EIF2B2: variants seen among roughly 807,000 people sequenced by gnomAD.
EIF2B2 encodes the protein translation initiation factor eIF2B subunit beta.
A neutral mutation model predicts 34.7 loss-of-function variants in EIF2B2; 34 were observed. That is an observed-to-expected ratio of 0.98 (90% confidence interval 0.75 to 1.31). The LOEUF is 1.31. EIF2B2 is among the 50% of genes most tolerant of loss of function. EIF2B2 has a pLI of 0.00. For missense variants in EIF2B2, 361 were observed against 447.7 expected (o/e 0.81, Z 1.75); for synonymous variants, 155 against 171.6 (o/e 0.90, Z 0.76).
chr14:75,003,342 C>A lies in EIF2B2; in HGVS notation c.231C>A (p.Thr77=), dbSNP rs771686725. The A allele has an allele frequency of 2.5e-6, 4 of 1,613,924 alleles. No homozygotes were observed. The South Asian group carries it at 3.3e-5, about 13-fold the overall frequency. ...CGGCCGCTCAGCCCTCCGAGACCACCGTGGGCAACATGGTGCGGAGAGTGC... is the reference window on the plus strand; with the variant it reads ...CGGCCGCTCAGCCCTCCGAGACCACAGTGGGCAACATGGTGCGGAGAGTGC... ...RMTAAQPSET[T]VGNMVRRVLK... Residue 77 remains threonine, a synonymous_variant, in exon 2 of 8, where the codon ACC becomes ACA. Coordinates refer to ENST00000266126, the MANE Select transcript of EIF2B2 (RefSeq NM_014239.4).
chr14:75,007,740 T>G lies in EIF2B2; in HGVS notation c.850T>G (p.Ser284Ala). ...TTTTTAGTTCCCCAATGAAGAAGAC[T>G]CATTTCATAAGTTTGTGGCTCCTGA... ...LSPQFPNEED[S>A]FHKFVAPEEV... is the part of the protein sequence containing the mutation. The change falls in exon 7 of 8, where the codon TCA (serine) becomes GCA (alanine). Residue 284 changes from serine to alanine, a missense_variant. Ser to Ala is a moderately conservative substitution (Grantham distance 99). Coordinates refer to ENST00000266126, the MANE Select transcript of EIF2B2 (RefSeq NM_014239.4). 2.5e-6 allele frequency: 4 copies of G among 1,613,948 alleles called. No individual in the cohort carries two copies. The highest frequency in any genetic ancestry group is 3.4e-6 in the Non-Finnish European group (4 of 1,179,918).
chr14:75,005,554 A>C (rs1053971821), intron 4 of EIF2B2, among the ~76,000 whole-genome samples: 2 of 152,198 alleles, frequency 1.3e-5, no homozygotes, highest in African/African-American at 4.8e-5. Context: ...GTTGTTTTAA[A>C]ATAATGAGCC....
chr14:75,010,714 C>A lies in EIF2B2; in HGVS notation c.*1526C>A, dbSNP rs1185339823. ...AGTTTTCTGCAGTTCCTACTGGATCCATTTAACTCATTTATGTTATCTGCC... is the reference window on the plus strand; with the variant it reads ...AGTTTTCTGCAGTTCCTACTGGATCAATTTAACTCATTTATGTTATCTGCC... On this transcript the variant is annotated 3_prime_UTR_variant, in exon 8 of 8. Coordinates refer to ENST00000266126, the MANE Select transcript of EIF2B2 (RefSeq NM_014239.4). 1.3e-5 allele frequency: 2 copies of A among 152,176 alleles called. 1 individual carries two copies. Among genetic ancestry groups the A allele is most frequent in the Non-Finnish European group, 2.9e-5 (2 of 68,032 alleles). The allele number at this position is 152,176 out of a possible 1,614,324, so 9.4% of individuals were successfully genotyped here.
chr14:75,005,544 G>C (rs1184857974), intron 4 of EIF2B2, among the ~76,000 whole-genome samples: 1 of 152,140 alleles, frequency 6.6e-6, no homozygotes, highest in Non-Finnish European at 1.5e-5. Context: ...AAGGATGCAG[G>C]TTGTTTTAAA....
At position 75,006,393 on chromosome 14, in the gene EIF2B2, T is replaced by A. The variant is rs1481059946; in HGVS notation, c.694-184T>A. 2 of 821,294 alleles carry A rather than the reference T, an allele frequency of 2.4e-6. No individual in the cohort carries two copies. Among genetic ancestry groups the A allele is most frequent in the African/African-American group, 3.4e-5 (2 of 58,058 alleles). 50.9% of individuals were successfully genotyped at this position (821,294 alleles called of 1,614,324 possible). On this transcript the variant is annotated intron_variant, in intron 5 of 7. Coordinates refer to ENST00000266126, the MANE Select transcript of EIF2B2 (RefSeq NM_014239.4). This position sits in a 1 kb window ranked among gnomAD's most constrained non-coding sequence, Gnocchi z 4.1. ...AGTTTCTTGTCCCATTTTACATTCA[T>A]TCTTTCCTTGGAAACCTACTTTTAA...
Position 75,006,944 on chromosome 14 carries a change from G to A in EIF2B2, c.831+230G>A, listed in dbSNP as rs1889634822. 2 of 709,016 alleles carry A rather than the reference G, an allele frequency of 2.8e-6. No individual in the cohort carries two copies. Among genetic ancestry groups the A allele is most frequent in the African/African-American group, 3.5e-5 (2 of 57,272 alleles). 43.9% of individuals were successfully genotyped at this position (709,016 alleles called of 1,614,324 possible). A position where few individuals can be genotyped will look rare whatever the true frequency, so the allele number is the denominator to read the frequency against. ...GAAGTCAAGATTGTAAGGACAATAT[G>A]TAGTTGGGAAAGGTCCTTTGCTTAC... On this transcript the variant is annotated intron_variant, in intron 6 of 7. Transcript: ENST00000266126. This position sits in a 1 kb window ranked among gnomAD's most constrained non-coding sequence, Gnocchi z 4.1.
At position 75,006,968 on chromosome 14, in the gene EIF2B2, A is replaced by G; in HGVS notation, c.831+254A>G. ...TGTAGTTGGGAAAGGTCCTTTGCTT[A>G]CGATTGCCACCACTCCCTGTCGCCT... On this transcript the variant is annotated intron_variant, in intron 6 of 7. Transcript: ENST00000266126. The surrounding 1 kb of genome is among the most constrained non-coding windows in gnomAD (Gnocchi z 4.1). 1.6e-6 allele frequency: 1 copy of G among 632,570 alleles called. No individual in the cohort carries two copies. Among genetic ancestry groups the G allele is most frequent in the Non-Finnish European group, 2.9e-6 (1 of 343,624 alleles). The allele number at this position is 632,570 out of a possible 1,614,324, so 39.2% of individuals were successfully genotyped here.
Position 75,006,275 on chromosome 14 carries a change from T to C in EIF2B2, c.694-302T>C. The C allele has an allele frequency of 1.9e-6, 1 of 535,180 alleles. No homozygotes were observed. The highest frequency in any genetic ancestry group is 2.1e-5 in the South Asian group (1 of 47,936). 33.2% of individuals were successfully genotyped at this position (535,180 alleles called of 1,614,324 possible). A position where few individuals can be genotyped will look rare whatever the true frequency, so the allele number is the denominator to read the frequency against. On this transcript the variant is annotated intron_variant, in intron 5 of 7. Coordinates refer to ENST00000266126, the MANE Select transcript of EIF2B2 (RefSeq NM_014239.4). This position sits in a 1 kb window ranked among gnomAD's most constrained non-coding sequence, Gnocchi z 4.1. ...GCCTTATGCTCAAAGAGCTTGGCAG[T>C]TGTGGATAGTGAATGAAAAAGATTC...
At position 75,003,042 on chromosome 14, in the gene EIF2B2, T is replaced by C. The variant is rs768788808; in HGVS notation, c.52T>C (p.Phe18Leu). ...GGAGTTGTCAGAGAGGATCGAGAGC[T>C]TCGTGGAGACCCTGAAGCGGGGTGG... ...GSELSERIES[F>L]VETLKRGGGP... Residue 18 changes from phenylalanine (F) to leucine (L), a missense_variant, in exon 1 of 8, where the codon TTC (phenylalanine) becomes CTC (leucine). Physicochemically the swap from Phe to Leu is conservative, Grantham distance 22 (BLOSUM62 0). Transcript: ENST00000266126. The C allele has an allele frequency of 6.2e-7, 1 of 1,614,026 alleles. No homozygotes were observed.
At chr14:75,005,342 A>T (rs1210747831) in intron 4 of EIF2B2, among the ~76,000 whole-genome samples, 2 of 151,216 alleles carry the variant, frequency 1.3e-5, no homozygotes, top group Non-Finnish European at 2.9e-5. Flanking sequence ...GCGCCACTGC[A>T]CTCCAGCCTG....
At position 75,003,307 on chromosome 14, in the gene EIF2B2, A is replaced by G. The variant is rs757757428; in HGVS notation, c.196A>G (p.Arg66Gly). The G allele has an allele frequency of 6.2e-7, 1 of 1,613,882 alleles. No individual in the cohort carries two copies. Among genetic ancestry groups the G allele is most frequent in the South Asian group, 1.1e-5 (1 of 91,060 alleles). Residue 66 changes from arginine to glycine, a missense_variant, in exon 2 of 8, where the codon AGG becomes GGG. Transcript: ENST00000266126. ...GATGGAGCTGATCCGCAGAGAGGGC[A>G]GGAGGATGACGGCCGCTCAGCCCTC... ...ELMELIRREG[R>G]RMTAAQPSET...
In EIF2B2 at chr14:75,003,089, A is replaced by G. The variant is rs1260589643; in HGVS notation, c.99A>G (p.Glu33=). ...GTGGTGGGCCGCGCAGCTCCGAGGA[A>G]ATGGCTCGGGAGACCCTAGGGTTGC... The part of the protein sequence containing the change: ...KRGGGPRSSE[E]MARETLGLLR... Residue 33 remains glutamate, a synonymous_variant, in exon 1 of 8, where the codon GAA becomes GAG. Coordinates refer to ENST00000266126, the MANE Select transcript of EIF2B2 (RefSeq NM_014239.4). 1.9e-6 allele frequency: 3 copies of G among 1,613,968 alleles called. No individual in the cohort carries two copies. Among genetic ancestry groups the G allele is most frequent in the Non-Finnish European group, 2.5e-6 (3 of 1,179,968 alleles).
rs1889569433 is a variant in EIF2B2 at position 75,003,330 on chromosome 14, C to T, written c.219C>T (p.Pro73=). The change falls in exon 2 of 8, where the codon CCC becomes CCT. Residue 73 remains proline, a synonymous_variant. Transcript: ENST00000266126. ...REGRRMTAAQ[P]SETTVGNMVR... is the part of the protein sequence containing the mutation. ...GCAGGAGGATGACGGCCGCTCAGCCCTCCGAGACCACCGTGGGCAACATGG... is the reference window on the plus strand; with the variant it reads ...GCAGGAGGATGACGGCCGCTCAGCCTTCCGAGACCACCGTGGGCAACATGG... 1.2e-6 allele frequency: 2 copies of T among 1,613,968 alleles called. No individual in the cohort carries two copies. Among genetic ancestry groups the T allele is most frequent in the Non-Finnish European group, 1.7e-6 (2 of 1,179,986 alleles).
In EIF2B2 at chr14:75,011,456, G is replaced by C. The variant is rs115835; in HGVS notation, c.*2268G>C. The stretch of plus-strand genomic sequence containing the variant: ...TAAGAATCTGCATGTTTAACAAATA[G>C]CCTGTGGGCTTTGAACAGGTGATTT... On this transcript the variant is annotated 3_prime_UTR_variant, in exon 8 of 8. Coordinates refer to ENST00000266126, the MANE Select transcript of EIF2B2 (RefSeq NM_014239.4). 150,686 of 152,342 alleles carry C rather than the reference G, an allele frequency of 0.99. 74,534 individuals are homozygous for C. Among genetic ancestry groups the C allele is most frequent in the East Asian group, 1 (5,186 of 5,186 alleles). The allele number at this position is 152,342 out of a possible 1,614,324, so 9.4% of individuals were successfully genotyped here.
intron 6 of EIF2B2, chr14:75,007,176 A>G (rs1889639819): frequency 4.6e-6 from 2 of 430,220 alleles, no homozygotes. Flanking sequence ...TATTTTTTAA[A>G]TTGAGGTGAA....
At chr14:75,007,027 T>G (rs1300242551) in intron 6 of EIF2B2, 1 of 521,082 alleles carries the variant, frequency 1.9e-6, no homozygotes, top group East Asian at 5.1e-5. Flanking sequence ...AGGTTGAAAG[T>G]AGGATCATAG....
chr14:75,008,986 G>C, intron 7 of EIF2B2, 45 bp from the exon 8 acceptor site: 1 of 1,613,226 alleles, frequency 6.2e-7, no homozygotes, highest in Non-Finnish European at 8.5e-7. Flanking sequence ...AATTATGAGA[G>C]AGGGAGCCTC....
In EIF2B2 at chr14:75,006,929, T is replaced by C. The variant is rs1001154614; in HGVS notation, c.831+215T>C. On this transcript the variant is annotated intron_variant, in intron 6 of 7. Transcript: ENST00000266126. This position sits in a 1 kb window ranked among gnomAD's most constrained non-coding sequence, Gnocchi z 4.1. ...AGCTGTCAACTTTAGGAAGTCAAGA[T>C]TGTAAGGACAATATGTAGTTGGGAA... 2 of 750,286 alleles carry C rather than the reference T, an allele frequency of 2.7e-6. No homozygotes were observed. Among genetic ancestry groups the C allele is most frequent in the Non-Finnish European group, 2.3e-6 (1 of 432,392 alleles). 46.5% of individuals were successfully genotyped at this position (750,286 alleles called of 1,614,324 possible).
At chr14:75,008,478 A>T (rs1013650215) in intron 7 of EIF2B2, 3 of 198,800 alleles carry the variant, frequency 1.5e-5, no homozygotes, top group African/African-American at 6.9e-5. Context: ...AATGAAAAAG[A>T]TAAGGCCCTG....
Sources: allele counts gnomAD v4.1 joint callset (sites outside exome capture counted in the v4.1 genomes callset), GRCh38; gene constraint gnomAD v4.1.1; non-coding constraint Gnocchi (gnomAD v3.1); transcripts MANE v1.5; gene names NCBI Gene and HGNC (gene_info 2026-07-23, HGNC 2026-07-21).